Variants in CADM2 observed in about 807,000 individuals in gnomAD.
CADM2 encodes the protein immunoglobulin superfamily member 4D.
A neutral mutation model predicts 49.8 loss-of-function variants in CADM2; 12 were observed. The ratio of observed to expected loss-of-function variants is 0.24; its 90% confidence interval spans 0.15 to 0.39. The LOEUF (loss-of-function observed/expected upper bound fraction) is 0.39, where lower values mean the gene tolerates loss of function less well. Ranked by LOEUF, CADM2 falls within the 10% of genes least tolerant of loss-of-function variation. The probability of loss-of-function intolerance (pLI) is 1.00; values close to 1 mark genes in which losing one functional copy is unlikely to be tolerated. For synonymous variants in CADM2, 214 were observed against 175.4 expected, an observed-to-expected ratio of 1.22 and a Z score of -1.74; for missense variants, 378 against 492.3, an observed-to-expected ratio of 0.77 and a Z score of 2.20.
At chr3:85,414,971 A>G (rs2035847826) in intron 1 of CADM2, among the ~76,000 whole-genome samples, 1 of 152,158 alleles carries the variant, frequency 6.6e-6, no homozygotes, top group Non-Finnish European at 1.5e-5. Context: ...TTTTAGTTTA[A>G]AAAAGTAAAT....
rs562860671 is a variant in CADM2, at chr3:85,738,059, G to A, written c.88+11511G>A. Among the ~76,000 whole-genome samples the A allele has an allele frequency of 3.3e-5, 5 of 152,280 alleles. 1 individual carries two copies. In the South Asian group the frequency reaches 1.0e-3, roughly 32 times the overall value. ...ATTTGGCCTGAACAATCACCAAATA[G>A]TTCCTGAAGTCATTACCTTACACCT... On this transcript the variant is annotated intron_variant, in intron 2 of 9. Transcript: ENST00000383699.
intron 3 of CADM2, among the ~76,000 whole-genome samples, chr3:85,813,038 A>C (rs926509411): frequency 1.3e-5 from 2 of 152,094 alleles, no homozygotes; most frequent in African/African-American, 4.8e-5. Flanking sequence ...ATAGTAGAAT[A>C]ATTTATAATC....
intron 1 of CADM2, among the ~76,000 whole-genome samples, chr3:85,118,606 C>A (rs1050236780): frequency 4.6e-5 from 7 of 152,130 alleles, no homozygotes; most frequent in Non-Finnish European, 8.8e-5. Flanking sequence ...AATTACCTCC[C>A]ACTGGGTGCT....
chr3:85,637,410 G>C (rs1403689955), intron 1 of CADM2, among the ~76,000 whole-genome samples: 32 of 149,940 alleles, frequency 2.1e-4, no homozygotes, highest in Admixed American at 2.1e-3. Context: ...AGACCATCCT[G>C]GCTAACAAGG....
chr3:85,051,446 A>G (rs2035877573), intron 1 of CADM2, among the ~76,000 whole-genome samples: 1 of 152,180 alleles, frequency 6.6e-6, no homozygotes, highest in South Asian at 2.1e-4. Flanking sequence ...CACTGGAGAT[A>G]TTTAAAAATA....
chr3:85,458,274 C>A (rs999471136), intron 1 of CADM2, among the ~76,000 whole-genome samples: 39 of 152,122 alleles, frequency 2.6e-4, no homozygotes, highest in African/African-American at 4.6e-4. Flanking sequence ...ATGCCTTACA[C>A]CATGCCCTGC....
At chr3:85,891,100 G>A (rs1249006989) in intron 5 of CADM2, among the ~76,000 whole-genome samples, 1 of 152,070 alleles carries the variant, frequency 6.6e-6, no homozygotes, top group East Asian at 1.9e-4. Context: ...CTTTATGAGA[G>A]TTTTACTCAG....
intron 1 of CADM2, among the ~76,000 whole-genome samples, chr3:85,335,410 G>T (rs951274453): frequency 6.6e-6 from 1 of 151,358 alleles, no homozygotes; most frequent in East Asian, 1.9e-4. Flanking sequence ...TCAAGGGTCA[G>T]ATTCTTCTTT....
At chr3:85,272,960 GAAC>G (rs960659181) in intron 1 of CADM2, among the ~76,000 whole-genome samples, 2 of 151,206 alleles carry the variant, frequency 1.3e-5, no homozygotes, top group Admixed American at 6.6e-5. Flanking sequence ...GTGTTATGAT[GAAC>G]AACAACAACA....
At chr3:85,542,153 C>T (rs943089385) in intron 1 of CADM2, among the ~76,000 whole-genome samples, 1 of 151,880 alleles carries the variant, frequency 6.6e-6, no homozygotes, top group Non-Finnish European at 1.5e-5. Flanking sequence ...TGTCTCTCAC[C>T]CATTGAGCCA....
rs113475736 is a variant in CADM2, at chr3:85,309,649, T to C, written c.61+349981T>C. The stretch of plus-strand genomic sequence containing the variant: ...AATGTACAACACTTAACAAACATTT[T>C]AATACCCACTAGAAGTTTCCATTTT... On this transcript the variant is annotated intron_variant, in intron 1 of 9. Transcript: ENST00000383699. 7.3e-3 allele frequency among the ~76,000 whole-genome samples: 1,113 copies of C among 152,280 alleles called. 15 individuals carry two copies. Among genetic ancestry groups the C allele is most frequent in the African/African-American group, 0.025 (1,046 of 41,570 alleles).
At chr3:85,036,746 T>A (rs1576086279) in intron 1 of CADM2, among the ~76,000 whole-genome samples, 1 of 152,252 alleles carries the variant, frequency 6.6e-6, no homozygotes, top group African/African-American at 2.4e-5. Flanking sequence ...CTTATAACAA[T>A]ATTTTAAAAT....
At chr3:85,188,361 A>G (rs2041115582) in intron 1 of CADM2, among the ~76,000 whole-genome samples, 1 of 152,164 alleles carries the variant, frequency 6.6e-6, no homozygotes, top group Non-Finnish European at 1.5e-5. Context: ...AAATGAGCCT[A>G]TTATTTCCAA....
chr3:85,256,699 A>C (rs2042892695), intron 1 of CADM2, among the ~76,000 whole-genome samples: 1 of 152,152 alleles, frequency 6.6e-6, no homozygotes, highest in African/African-American at 2.4e-5. Context: ...TTAGATTATA[A>C]AGCCCTGTTA....
chr3:85,581,546 AT>A (rs925020035), intron 1 of CADM2, among the ~76,000 whole-genome samples: 3 of 152,006 alleles, frequency 2.0e-5, no homozygotes, highest in African/African-American at 7.2e-5. Flanking sequence ...TTAAAAGTAT[AT>A]TTTTTTCTTT....
intron 1 of CADM2, among the ~76,000 whole-genome samples, chr3:85,093,158 C>A (rs1406390425): frequency 6.6e-6 from 1 of 152,136 alleles, no homozygotes; most frequent in Non-Finnish European, 1.5e-5. Context: ...ACCGTAGGAA[C>A]TAACAATGTC....
intron 2 of CADM2, among the ~76,000 whole-genome samples, chr3:85,776,336 T>TAC (rs141105558): frequency 0.081 from 11,770 of 146,100 alleles, 626 homozygotes; most frequent in African/African-American, 0.16. Context: ...CAAACTCTCT[T>TAC]ACACACACAC....
At chr3:85,366,518 T>A (rs897978116) in intron 1 of CADM2, among the ~76,000 whole-genome samples, 12 of 152,208 alleles carry the variant, frequency 7.9e-5, no homozygotes, top group African/African-American at 2.9e-4. Context: ...TAATTTTTCA[T>A]TTATAATCTT....
chr3:85,031,030 A>T (rs1286300814), intron 1 of CADM2, among the ~76,000 whole-genome samples: 1 of 152,188 alleles, frequency 6.6e-6, no homozygotes, highest in East Asian at 1.9e-4. Flanking sequence ...ACCACCTGGC[A>T]GTGTGAGGTT....
Sources: gnomAD v4.1 joint callset for allele counts (sites outside exome capture counted in the v4.1 genomes callset) on GRCh38, gnomAD v4.1.1 for gene constraint, MANE v1.5 for transcripts, NCBI Gene and HGNC (gene_info 2026-07-23, HGNC 2026-07-21) for gene names.